The following SLC12A2 variants were observed in gnomAD, a reference collection of about 807,000 sequenced individuals.
The protein encoded by SLC12A2 is Na-K-2Cl cotransporter 1.
A neutral mutation model predicts 136.3 loss-of-function variants in SLC12A2; 67 were observed. The observed-to-expected ratio is 0.49, with a 90% CI of 0.40 to 0.60. The LOEUF is 0.60. Among genes scored for constraint, SLC12A2 ranks in the 20% least tolerant of loss-of-function variants. The pLI is 0.00. For synonymous variants in SLC12A2, 619 were observed against 562.9 expected, an observed-to-expected ratio of 1.10 and a Z score of -1.41; for missense variants, 1,322 against 1,534.7, an observed-to-expected ratio of 0.86 and a Z score of 2.32.
At chr5:128,184,931 C>T (rs989540489) in intron 26 of SLC12A2, 75 bp downstream of exon 26, 5 of 1,283,302 alleles carry the variant, frequency 3.9e-6, no homozygotes, top group East Asian at 2.3e-5. Context: ...ATTCCAAGTA[C>T]ATATCTATAT....
intron 1 of SLC12A2, among the ~76,000 whole-genome samples, chr5:128,089,287 C>A (rs1760220308): frequency 6.6e-6 from 1 of 152,004 alleles, no homozygotes; most frequent in African/African-American, 2.4e-5. Context: ...GCTTGGGAGG[C>A]TGAGGCAGGA....
intron 22 of SLC12A2, among the ~76,000 whole-genome samples, chr5:128,179,446 T>G (rs1230246132): frequency 6.6e-6 from 1 of 152,198 alleles, no homozygotes; most frequent in African/African-American, 2.4e-5. Context: ...AGACTGTTCT[T>G]GTGTTGCTTT....
At chr5:128,167,725 A>T (rs1763246059) in intron 17 of SLC12A2, 36 bp from the exon 18 acceptor site, 2 of 1,398,444 alleles carry the variant, frequency 1.4e-6, no homozygotes, top group South Asian at 1.2e-5. Flanking sequence ...GTTGAAAATA[A>T]TATATCTGTA....
At position 128,187,304 on chromosome 5, in the gene SLC12A2, C is replaced by T. The variant is rs1043253404; in HGVS notation, c.*673C>T. The T allele has an allele frequency of 3.9e-5, 6 of 152,008 alleles. No homozygotes were observed. 9.4% of individuals were successfully genotyped at this position (152,008 alleles called of 1,614,324 possible). A position where few individuals can be genotyped will look rare whatever the true frequency, so the allele number is the denominator to read the frequency against. Reference sequence around the variant, plus strand: ...GCCCCCCCAAATACCTTTTTAACCCCTCTGATTGGCTATTATTACTATATT... The same window carrying T: ...GCCCCCCCAAATACCTTTTTAACCCTTCTGATTGGCTATTATTACTATATT... On this transcript the variant is annotated 3_prime_UTR_variant, in exon 27 of 27. Coordinates refer to ENST00000262461, the MANE Select transcript of SLC12A2 (RefSeq NM_001046.3).
intron 4 of SLC12A2, among the ~76,000 whole-genome samples, chr5:128,119,475 G>C (rs908405556): frequency 6.6e-6 from 1 of 152,122 alleles, no homozygotes; most frequent in South Asian, 2.1e-4. Flanking sequence ...TTATTAAATA[G>C]GGAATCCTTT....
intron 6 of SLC12A2, 38 bp from the exon 7 acceptor site, chr5:128,135,662 A>C: frequency 4.0e-6 from 5 of 1,246,342 alleles, no homozygotes; most frequent in Non-Finnish European, 5.9e-6. Flanking sequence ...TATAGAAACA[A>C]GATACTTGAT....
At chr5:128,179,176 G>A (rs371686713) in intron 22 of SLC12A2, among the ~76,000 whole-genome samples, 6 of 152,234 alleles carry the variant, frequency 3.9e-5, no homozygotes, top group African/African-American at 1.4e-4. Context: ...ATAATTACAG[G>A]TATTGGGGAT....
rs141823822 is a variant in SLC12A2, at chr5:128,092,130, A to G, written c.756+7420A>G. On this transcript the variant is annotated intron_variant, in intron 1 of 26. Coordinates refer to ENST00000262461, the MANE Select transcript of SLC12A2 (RefSeq NM_001046.3). Reference sequence around the variant, plus strand: ...CCTTCCCACAGACTTCTCCATTAATATCAACTCCATTCTAAATAGGTATTA... The same window carrying G: ...CCTTCCCACAGACTTCTCCATTAATGTCAACTCCATTCTAAATAGGTATTA... 4.0e-3 allele frequency among the ~76,000 whole-genome samples: 603 copies of G among 152,284 alleles called. 5 individuals are homozygous for G. The highest frequency in any genetic ancestry group is 6.6e-3 in the Admixed American group (101 of 15,302).
chr5:128,142,173 G>A (rs558756707), intron 10 of SLC12A2, among the ~76,000 whole-genome samples, 192 bp downstream of exon 10: 1 of 152,250 alleles, frequency 6.6e-6, no homozygotes, highest in East Asian at 1.9e-4. Flanking sequence ...TGCTATCTTG[G>A]CTTGCTGCAA....
intron 13 of SLC12A2, among the ~76,000 whole-genome samples, 154 bp from the exon 14 acceptor site, chr5:128,151,087 C>A (rs1442727698): frequency 1.3e-5 from 2 of 151,886 alleles, no homozygotes; most frequent in Non-Finnish European, 2.9e-5. Context: ...CAATAATAGT[C>A]TTTGACTTTA....
intron 19 of SLC12A2, among the ~76,000 whole-genome samples, chr5:128,172,555 T>C (rs899188686): frequency 6.6e-6 from 1 of 152,256 alleles, no homozygotes; most frequent in African/African-American, 2.4e-5. Context: ...CTGTATAATT[T>C]TGACATGTCA....
intron 1 of SLC12A2, among the ~76,000 whole-genome samples, chr5:128,111,638 G>GC (rs1761147273): frequency 1.3e-5 from 2 of 151,744 alleles, no homozygotes; most frequent in Admixed American, 1.3e-4. Flanking sequence ...GGTGGTGGGC[G>GC]CCTGTAGTCC....
chr5:128,122,618 T>G (rs1166282013), intron 4 of SLC12A2, among the ~76,000 whole-genome samples: 1 of 152,178 alleles, frequency 6.6e-6, no homozygotes, highest in East Asian at 1.9e-4. Context: ...CTCATATCTT[T>G]TACTTTTCTC....
At position 128,174,657 on chromosome 5, in the gene SLC12A2, A is replaced by G; in HGVS notation, c.2920A>G (p.Thr974Ala). The change falls in exon 20 of 27, where the codon ACA (threonine) becomes GCA (alanine). Residue 974 changes from threonine (T) to alanine (A), a missense_variant. Transcript: ENST00000262461. The stretch of plus-strand genomic sequence containing the variant: ...CAAACCACTCAGTGAAAAACCAATT[A>G]CACACAAAGGTAATTTTCATTCAAA... ...TSKPLSEKPITHKVEEEDGKT... is the reference protein window; with the variant it reads ...TSKPLSEKPIAHKVEEEDGKT... 6.3e-7 allele frequency: 1 copy of G among 1,592,064 alleles called. No homozygotes were observed. Among genetic ancestry groups the G allele is most frequent in the South Asian group, 1.2e-5 (1 of 85,624 alleles).
chr5:128,160,815 T>C (rs1484833090), intron 16 of SLC12A2, among the ~76,000 whole-genome samples: 1 of 151,856 alleles, frequency 6.6e-6, no homozygotes. Flanking sequence ...GTTCTGCTTA[T>C]ACAGTGGCAA....
At chr5:128,126,971 T>TATATATATATATAAAA (rs1347112296) in intron 4 of SLC12A2, among the ~76,000 whole-genome samples, 1 of 123,056 alleles carries the variant, frequency 8.1e-6, no homozygotes, top group African/African-American at 3.8e-5. Context: ...TATATATTTT[T>TATATATATATATAAAA]TTTTTTTTTT....
rs1759897588 is a variant in SLC12A2 at position 128,083,897 on chromosome 5, G to C, written c.-58G>C. 2.5e-6 allele frequency: 3 copies of C among 1,191,016 alleles called. No individual in the cohort carries two copies. The East Asian group carries it at 1.0e-4, about 40-fold the overall frequency. The allele number at this position is 1,191,016 out of a possible 1,614,324, so 73.8% of individuals were successfully genotyped here. Reference sequence around the variant, plus strand: ...GGCCACCGCCGGCCAGGGGTGTGGAGGGCGTGCTGCCGGAGACGTCCGCCG... The same window carrying C: ...GGCCACCGCCGGCCAGGGGTGTGGACGGCGTGCTGCCGGAGACGTCCGCCG... On this transcript the variant is annotated 5_prime_UTR_variant, in exon 1 of 27. Coordinates refer to ENST00000262461, the MANE Select transcript of SLC12A2 (RefSeq NM_001046.3).
intron 4 of SLC12A2, among the ~76,000 whole-genome samples, chr5:128,116,483 A>G (rs1242712499): frequency 1.3e-5 from 2 of 151,422 alleles, no homozygotes; most frequent in Admixed American, 1.3e-4. Context: ...CTGCCAGGGA[A>G]AGTACGAGAG....
intron 5 of SLC12A2, among the ~76,000 whole-genome samples, chr5:128,133,802 G>A (rs1762101078): frequency 1.3e-5 from 2 of 152,062 alleles, no homozygotes; most frequent in South Asian, 4.1e-4. Flanking sequence ...TTAAAAGCAT[G>A]AGTTCACTAA....
Sources: allele counts gnomAD v4.1 joint callset (sites outside exome capture counted in the v4.1 genomes callset), GRCh38; gene constraint gnomAD v4.1.1; transcripts MANE v1.5; gene names NCBI Gene and HGNC (gene_info 2026-07-23, HGNC 2026-07-21).